Variants in DAB1 observed in about 807,000 individuals in gnomAD.
DAB1 encodes the protein disabled homolog 1.
In DAB1, 15 loss-of-function variants were observed where a neutral mutation model predicts 64.6. The ratio of observed to expected loss-of-function variants is 0.23; its 90% confidence interval spans 0.16 to 0.36. DAB1 has a LOEUF of 0.36. Among genes scored for constraint, DAB1 ranks in the 10% least tolerant of loss-of-function variants. The pLI is 1.00. For synonymous variants in DAB1, 235 were observed against 251.9 expected, an observed-to-expected ratio of 0.93 and a Z score of 0.64; for missense variants, 596 against 706.7, an observed-to-expected ratio of 0.84 and a Z score of 1.78.
At chr1:57,267,264 A>AGGAAGGG (rs1337835878) in intron 2 of DAB1, among the ~76,000 whole-genome samples, 1 of 151,888 alleles carries the variant, frequency 6.6e-6, no homozygotes, top group African/African-American at 2.4e-5. Flanking sequence ...AAGAGCTTCC[A>AGGAAGGG]CAGGGAGTGA....
intron 2 of DAB1, among the ~76,000 whole-genome samples, chr1:57,257,307 C>T (rs1217620765): frequency 6.6e-6 from 1 of 152,182 alleles, no homozygotes; most frequent in African/African-American, 2.4e-5. Flanking sequence ...ACAATGCCAA[C>T]TGCCACATCC....
intron 2 of DAB1, among the ~76,000 whole-genome samples, chr1:58,507,978 C>T (rs947039854): frequency 3.9e-5 from 6 of 152,284 alleles, no homozygotes; most frequent in African/African-American, 1.4e-4. Flanking sequence ...TTGTCTGCTA[C>T]ACAAACCAAA....
intron 7 of DAB1, among the ~76,000 whole-genome samples, chr1:57,540,067 T>G (rs1321738832): frequency 6.6e-6 from 1 of 152,210 alleles, no homozygotes; most frequent in Non-Finnish European, 1.5e-5. Context: ...ATTAGCACAC[T>G]TATTGAATAT....
intron 7 of DAB1, among the ~76,000 whole-genome samples, chr1:57,562,937 A>G (rs142566743): frequency 6.6e-6 from 1 of 152,150 alleles, no homozygotes; most frequent in South Asian, 2.1e-4. Context: ...CTACTCTACA[A>G]CGGAGGTAAG....
At chr1:58,238,872 C>T (rs953186327) in intron 4 of DAB1, among the ~76,000 whole-genome samples, 12 of 152,256 alleles carry the variant, frequency 7.9e-5, no homozygotes, top group African/African-American at 2.9e-4. Flanking sequence ...CTAGACAAAA[C>T]TCTGGGGACA....
intron 5 of DAB1, among the ~76,000 whole-genome samples, chr1:58,022,195 C>T (rs1286020705): frequency 2.0e-5 from 3 of 152,212 alleles, no homozygotes; most frequent in African/African-American, 7.2e-5. Context: ...TACTCCAGGG[C>T]TTTCCAAGAC....
intron 5 of DAB1, among the ~76,000 whole-genome samples, chr1:58,047,270 T>C (rs778388560): frequency 2.0e-5 from 3 of 152,226 alleles, no homozygotes; most frequent in Admixed American, 1.3e-4. Context: ...ATTTTAATAA[T>C]ATATTTTCTT....
At chr1:57,047,699 T>C (rs915938366) in intron 9 of DAB1, among the ~76,000 whole-genome samples, 1 of 152,210 alleles carries the variant, frequency 6.6e-6, no homozygotes, top group African/African-American at 2.4e-5. Flanking sequence ...TATTTTGTTA[T>C]GGCAGCCCAA....
intron 4 of DAB1, among the ~76,000 whole-genome samples, chr1:58,252,531 C>T (rs1392560169): frequency 1.3e-5 from 2 of 152,150 alleles, no homozygotes; most frequent in African/African-American, 4.8e-5. Context: ...ACAGTCCTTT[C>T]TCTCTTAGCA....
At chr1:57,992,975 G>C (rs144285861) in intron 5 of DAB1, among the ~76,000 whole-genome samples, 1 of 151,966 alleles carries the variant, frequency 6.6e-6, no homozygotes, top group African/African-American at 2.4e-5. Flanking sequence ...CACCAACTCC[G>C]CACAGCTATG....
intron 3 of DAB1, among the ~76,000 whole-genome samples, chr1:58,394,371 A>G (rs1002676830): frequency 5.9e-5 from 9 of 152,242 alleles, no homozygotes; most frequent in African/African-American, 2.2e-4. Context: ...GTATTTACTC[A>G]GAGAAAAATG....
chr1:58,356,255 T>C (rs1409581611), intron 3 of DAB1, among the ~76,000 whole-genome samples: 1 of 152,136 alleles, frequency 6.6e-6, no homozygotes, highest in Non-Finnish European at 1.5e-5. Context: ...AACCTGTATG[T>C]AAAATGGCAG....
At chr1:57,100,493 A>G (rs1654569639) in intron 4 of DAB1, among the ~76,000 whole-genome samples, 1 of 152,176 alleles carries the variant, frequency 6.6e-6, no homozygotes, top group Admixed American at 6.5e-5. Context: ...AGTAATGATA[A>G]TCGATGAGGA....
intron 1 of DAB1, among the ~76,000 whole-genome samples, chr1:57,871,741 T>C (rs1431230843): frequency 1.3e-5 from 2 of 152,186 alleles, no homozygotes; most frequent in Non-Finnish European, 2.9e-5. Flanking sequence ...GGTCTTTTTA[T>C]CAGAATTTTA....
At chr1:57,046,431 T>C (rs866685715) in intron 9 of DAB1, among the ~76,000 whole-genome samples, 1 of 152,250 alleles carries the variant, frequency 6.6e-6, no homozygotes, top group Admixed American at 6.5e-5. Context: ...TGCTCCTTTT[T>C]TTTACACTAG....
At chr1:57,707,848 G>A (rs146433426) in intron 6 of DAB1, among the ~76,000 whole-genome samples, 169 of 152,302 alleles carry the variant, frequency 1.1e-3, no homozygotes, top group Middle Eastern at 3.4e-3. Flanking sequence ...TCTGAGCCCA[G>A]GATCTATGTG....
intron 7 of DAB1, among the ~76,000 whole-genome samples, chr1:57,606,521 A>ATT (rs1645643503): frequency 1.7e-5 from 1 of 60,532 alleles, no homozygotes; most frequent in African/African-American, 8.0e-5. Context: ...TAATATATAT[A>ATT]ATATATAATA....
chr1:57,920,345 C>T, intron 5 of DAB1, among the ~76,000 whole-genome samples: 1 of 152,144 alleles, frequency 6.6e-6, no homozygotes, highest in East Asian at 1.9e-4. Flanking sequence ...CAGGGCCTCA[C>T]TCTGTTGCCC....
chr1:58,388,571 C>T (rs1406042557), intron 3 of DAB1, among the ~76,000 whole-genome samples: 1 of 152,198 alleles, frequency 6.6e-6, no homozygotes, highest in Non-Finnish European at 1.5e-5. Flanking sequence ...GGAGCATTGA[C>T]TATTTGCTCA....
Sources: allele counts gnomAD v4.1 joint callset (sites outside exome capture counted in the v4.1 genomes callset), GRCh38; gene constraint gnomAD v4.1.1; transcripts MANE v1.5; gene names NCBI Gene and HGNC (gene_info 2026-07-23, HGNC 2026-07-21).